Variants in ITPR3 observed in about 807,000 individuals in gnomAD.
ITPR3 encodes inositol 1,4,5-trisphosphate-gated calcium channel ITPR3.
A neutral mutation model predicts 293.2 loss-of-function variants in ITPR3; 173 were observed. The observed-to-expected ratio is 0.59, with a 90% confidence interval of 0.52 to 0.67. The LOEUF (loss-of-function observed/expected upper bound fraction) is 0.67. Among genes scored for constraint, ITPR3 ranks in the 30% least tolerant of loss-of-function variants. ITPR3 has a pLI of 0.00. For missense variants in ITPR3, 2,796 were observed against 3,592.1 expected (o/e 0.78, Z 5.66); for synonymous variants, 1,295 against 1,444.4 (o/e 0.90, Z 2.35).
chr6:33,669,654 C>T (rs755509147), intron 18 of ITPR3, among the ~76,000 whole-genome samples: 6 of 152,226 alleles, frequency 3.9e-5, no homozygotes, highest in Non-Finnish European at 7.3e-5. Context: ...CAATGCTTGC[C>T]ACGTAGTGGG....
At chr6:33,622,501 C>T (rs554197805) in intron 1 of ITPR3, among the ~76,000 whole-genome samples, 2 of 152,252 alleles carry the variant, frequency 1.3e-5, no homozygotes, top group South Asian at 2.1e-4. Context: ...GGATGTGATT[C>T]GCTGGATGGG....
intron 1 of ITPR3, among the ~76,000 whole-genome samples, chr6:33,626,957 C>A (rs925919074): frequency 2.6e-5 from 4 of 152,176 alleles, no homozygotes; most frequent in African/African-American, 9.7e-5. Context: ...AGGCATGTGC[C>A]ACCACGCCCG....
chr6:33,628,977 T>C (rs1763611435), intron 1 of ITPR3, among the ~76,000 whole-genome samples: 1 of 152,170 alleles, frequency 6.6e-6, no homozygotes, highest in Admixed American at 6.5e-5. Context: ...GGAGGGAAAA[T>C]TAAGTCTGTG....
At position 33,695,859 on chromosome 6, in the gene ITPR3, G is replaced by A. The variant is rs1415415866; in HGVS notation, c.*79G>A. On this transcript the variant is annotated 3_prime_UTR_variant, in exon 58 of 58. Coordinates refer to ENST00000605930, the MANE Select transcript of ITPR3 (RefSeq NM_002224.4). Reference sequence around the variant, plus strand: ...GGGAAGAACACTGCCCCCTCCCTCGGGTTGGGTGGCCCAGCCAGCTGGCCA... The same window carrying A: ...GGGAAGAACACTGCCCCCTCCCTCGAGTTGGGTGGCCCAGCCAGCTGGCCA... 6.8e-7 allele frequency: 1 copy of A among 1,464,956 alleles called. No individual in the cohort carries two copies. The highest frequency in any genetic ancestry group is 9.5e-7 in the Non-Finnish European group (1 of 1,051,250). The allele number at this position is 1,464,956 out of a possible 1,614,324, so 90.7% of individuals were successfully genotyped here.
At position 33,683,511 on chromosome 6, in the gene ITPR3, T is replaced by C; in HGVS notation, c.4788+114T>C. ...GTGTTTCTTCCTGTCCTGCCCACAC[T>C]TCCAGGAAGGGGCTGGTTGGCTTCT... On this transcript the variant is annotated intron_variant, in intron 35 of 57. Coordinates refer to ENST00000605930, the MANE Select transcript of ITPR3 (RefSeq NM_002224.4). This position sits in a 1 kb window ranked among gnomAD's most constrained non-coding sequence, Gnocchi z 4.5. 1.1e-6 allele frequency: 1 copy of C among 919,752 alleles called. No individual in the cohort carries two copies. Among genetic ancestry groups the C allele is most frequent in the African/African-American group, 1.7e-5 (1 of 58,394 alleles). 57.0% of individuals were successfully genotyped at this position (919,752 alleles called of 1,614,324 possible). A position where few individuals can be genotyped will look rare whatever the true frequency, so the allele number is the denominator to read the frequency against.
At chr6:33,674,330 G>T in intron 24 of ITPR3, 65 bp downstream of exon 24, 2 of 1,516,216 alleles carry the variant, frequency 1.3e-6, no homozygotes, top group South Asian at 1.2e-5. Context: ...CTCTTGGTCT[G>T]GTCTGGGTTC....
At position 33,685,188 on chromosome 6, in the gene ITPR3, G is replaced by A. The variant is rs548623114; in HGVS notation, c.5308-171G>A. ...GACCACGTGACACAGGAGCAGATAT[G>A]GGGCATGGAGCCGCCCATGGGTGGC... On this transcript the variant is annotated intron_variant, in intron 39 of 57. Transcript: ENST00000605930. Among the ~76,000 whole-genome samples the A allele has an allele frequency of 3.9e-5, 6 of 152,286 alleles. No individual in the cohort carries two copies. The South Asian group carries it at 1.2e-3, about 32-fold the overall frequency.
At chr6:33,628,025 C>T (rs1179317853) in intron 1 of ITPR3, among the ~76,000 whole-genome samples, 11 of 152,248 alleles carry the variant, frequency 7.2e-5, no homozygotes, top group Admixed American at 7.2e-4. Context: ...CTGCCCTGCC[C>T]TACATTCCTG....
At chr6:33,685,074 G>A in intron 39 of ITPR3, 131 bp downstream of exon 39, 1 of 1,086,302 alleles carries the variant, frequency 9.2e-7, no homozygotes, top group Non-Finnish European at 1.3e-6. Context: ...TGGCTGAGAG[G>A]TGAGAAGAGT....
In ITPR3 at chr6:33,662,810, G is replaced by T. The variant is rs1041350918; in HGVS notation, c.859-101G>T. Reference sequence around the variant, plus strand: ...CTCCAGAGTCAAAAGGCCAGAGAGGGTCCAGAACCCACCCACCCAGAGATC... The same window carrying T: ...CTCCAGAGTCAAAAGGCCAGAGAGGTTCCAGAACCCACCCACCCAGAGATC... On this transcript the variant is annotated intron_variant, in intron 8 of 57. Coordinates refer to ENST00000605930, the MANE Select transcript of ITPR3 (RefSeq NM_002224.4). 4.0e-6 allele frequency: 6 copies of T among 1,491,918 alleles called. No individual in the cohort carries two copies. The Admixed American group carries it at 6.0e-5, about 15-fold the overall frequency. The allele number at this position is 1,491,918 out of a possible 1,614,324, so 92.4% of individuals were successfully genotyped here.
chr6:33,663,599 G>A (rs1253410978), intron 10 of ITPR3, 49 bp downstream of exon 10: 1 of 1,599,448 alleles, frequency 6.3e-7, no homozygotes, highest in Non-Finnish European at 8.5e-7. Context: ...TGCCCTGGGG[G>A]TAGGCGGGGG....
chr6:33,692,210 T>C lies in ITPR3; in HGVS notation c.7458+282T>C, dbSNP rs4711337. ...ACTGGCTTTCCTAGCCCACAGCAGG[T>C]GGGCAGAGGGCGGAGCTGAGTCAGC... On this transcript the variant is annotated intron_variant, in intron 54 of 57. Coordinates refer to ENST00000605930, the MANE Select transcript of ITPR3 (RefSeq NM_002224.4). This position sits in a 1 kb window ranked among gnomAD's most constrained non-coding sequence, Gnocchi z 4.2. Among the ~76,000 whole-genome samples the C allele has an allele frequency of 0.47, 71,071 of 152,148 alleles. 18,192 individuals are homozygous for C. The highest frequency in any genetic ancestry group is 0.9 in the East Asian group (4,665 of 5,172).
At chr6:33,650,796 C>CT (rs1171671365) in intron 2 of ITPR3, among the ~76,000 whole-genome samples, 53 of 138,830 alleles carry the variant, frequency 3.8e-4, no homozygotes, top group East Asian at 3.1e-3. Flanking sequence ...GATCTTCAAG[C>CT]TTTTTTTTTT....
chr6:33,696,448 G>A lies in ITPR3; in HGVS notation c.*668G>A, dbSNP rs1480046593. ...GCCCAGGCAACAAGGGCTGAGCTGC[G>A]CTTGCGTGGCTGTTTCATGACCGCT... On this transcript the variant is annotated 3_prime_UTR_variant, in exon 58 of 58. Transcript: ENST00000605930. 6.5e-6 allele frequency: 1 copy of A among 152,746 alleles called. No individual in the cohort carries two copies. The highest frequency in any genetic ancestry group is 1.5e-5 in the Non-Finnish European group (1 of 68,118). 9.5% of individuals were successfully genotyped at this position (152,746 alleles called of 1,614,324 possible).
rs1207621587 is a variant in ITPR3 at position 33,694,633 on chromosome 6, A to T, written c.7786-291A>T. ...CTTCCTCCACCTCTCAGGGGGTGTT[A>T]TGAGAGTAAACAGATGGTGCTGATA... On this transcript the variant is annotated intron_variant, in intron 56 of 57. Transcript: ENST00000605930. 4 of 397,164 alleles carry T rather than the reference A, an allele frequency of 1.0e-5. No homozygotes were observed. The Admixed American group carries it at 1.7e-4, about 17-fold the overall frequency. The allele number at this position is 397,164 out of a possible 1,614,324, so 24.6% of individuals were successfully genotyped here.
Sources: gnomAD v4.1 joint callset for allele counts (sites outside exome capture counted in the v4.1 genomes callset) on GRCh38, gnomAD v4.1.1 for gene constraint, Gnocchi (gnomAD v3.1) non-coding constraint, MANE v1.5 for transcripts, NCBI Gene and HGNC (gene_info 2026-07-23, HGNC 2026-07-21) for gene names.